C15orf39: variants seen among roughly 807,000 people sequenced by gnomAD.
The protein encoded by C15orf39 is uncharacterized protein C15orf39.
Under a neutral mutation model 53.9 loss-of-function variants are expected in C15orf39, and 24 were observed. The observed-to-expected ratio is 0.45, with a 90% CI of 0.32 to 0.63. The LOEUF (loss-of-function observed/expected upper bound fraction) is 0.63. Among genes scored for constraint, C15orf39 ranks in the 20% least tolerant of loss-of-function variants. The probability of loss-of-function intolerance (pLI) is 0.04; values close to 1 mark genes in which losing one functional copy is unlikely to be tolerated. For synonymous variants in C15orf39, 569 were observed against 576.5 expected (o/e 0.99, Z 0.19); for missense variants, 1,271 against 1,347.9 (o/e 0.94, Z 0.89).
chr15:75,203,309 G>A (rs552522617), intron 1 of C15orf39, among the ~76,000 whole-genome samples: 2 of 152,362 alleles, frequency 1.3e-5, no homozygotes, highest in East Asian at 3.9e-4. Context: ...CTGGCTGAGT[G>A]ACGTTGGAGC....
rs2070441389 is a variant in C15orf39, at chr15:75,206,725, T to G, written c.677T>G (p.Leu226Arg). The G allele has an allele frequency of 6.2e-7, 1 of 1,613,756 alleles. No homozygotes were observed. The highest frequency in any genetic ancestry group is 2.2e-5 in the East Asian group (1 of 44,888). Residue 226 changes from leucine to arginine, a missense_variant, in exon 2 of 3, where the codon CTG becomes CGG. Coordinates refer to ENST00000394987, the MANE Select transcript of C15orf39 (RefSeq NM_015492.5). Reference sequence around the variant, plus strand: ...CAGACCATCCACAGCACGGGCTTCCTGGCCTCCAGGTACACAGGTCCTTAC... The same window carrying G: ...CAGACCATCCACAGCACGGGCTTCCGGGCCTCCAGGTACACAGGTCCTTAC... ...KYQTIHSTGF[L>R]ASRYTGPYPR...
chr15:75,207,417 C>T lies in C15orf39; in HGVS notation c.1369C>T (p.His457Tyr). 1 of 1,613,436 alleles carries T rather than the reference C, an allele frequency of 6.2e-7. No homozygotes were observed. The highest frequency in any genetic ancestry group is 8.5e-7 in the Non-Finnish European group (1 of 1,180,018). Residue 457 changes from histidine (H) to tyrosine (Y), a missense_variant, in exon 2 of 3, where the codon CAC becomes TAC. Transcript: ENST00000394987. ...KEKLQPRLSE[H>Y]SGPPIVIRDS... ...GAAGCTCCAGCCCCGGCTCAGTGAG[C>T]ACTCTGGGCCGCCCATCGTCATCCG...
At position 75,206,930 on chromosome 15, in the gene C15orf39, G is replaced by A. The variant is rs372675349; in HGVS notation, c.882G>A (p.Lys294=). Residue 294 remains lysine (K), a synonymous_variant, in exon 2 of 3, where the codon AAG becomes AAA. Coordinates refer to ENST00000394987, the MANE Select transcript of C15orf39 (RefSeq NM_015492.5). ...PCPPACRHPE[K]QGSYSPALPL... is the part of the protein sequence containing the mutation. Reference sequence around the variant, plus strand: ...CTCCAGCCTGTCGCCACCCAGAGAAGCAGGGCAGCTACAGCCCAGCACTCC... The same window carrying A: ...CTCCAGCCTGTCGCCACCCAGAGAAACAGGGCAGCTACAGCCCAGCACTCC... 2.8e-5 allele frequency: 40 copies of A among 1,407,022 alleles called. No homozygotes were observed. The African/African-American group carries it at 4.6e-4, about 16-fold the overall frequency. 87.2% of individuals were successfully genotyped at this position (1,407,022 alleles called of 1,614,324 possible).
Position 75,207,168 on chromosome 15 carries a change from C to A in C15orf39, c.1120C>A (p.Gln374Lys). 3.1e-6 allele frequency: 5 copies of A among 1,613,956 alleles called. No homozygotes were observed. Among genetic ancestry groups the A allele is most frequent in the Non-Finnish European group, 3.4e-6 (4 of 1,180,020 alleles). Reference sequence around the variant, plus strand: ...ACGGTGCCCATTGGACTTTGCCCCCCAGACACTGAGTTTTCCTTATGCCCG... The same window carrying A: ...ACGGTGCCCATTGGACTTTGCCCCCAAGACACTGAGTTTTCCTTATGCCCG... ...TPRCPLDFAPQTLSFPYARDD... is the reference protein window; with the variant it reads ...TPRCPLDFAPKTLSFPYARDD... Residue 374 changes from glutamine (Q) to lysine (K), a missense_variant, in exon 2 of 3, where the codon CAG becomes AAG. Transcript: ENST00000394987.
chr15:75,201,904 G>A lies in C15orf39; in HGVS notation c.-206G>A, dbSNP rs2070404360. ...CGCAGACGGCGCCCAGCGGCGGCGCGAACGGCAGCTAGGAGGGTTGCTCCG... is the reference window on the plus strand; with the variant it reads ...CGCAGACGGCGCCCAGCGGCGGCGCAAACGGCAGCTAGGAGGGTTGCTCCG... On this transcript the variant is annotated 5_prime_UTR_variant, in exon 1 of 3. Coordinates refer to ENST00000394987, the MANE Select transcript of C15orf39 (RefSeq NM_015492.5). This position sits in a 1 kb window ranked among gnomAD's most constrained non-coding sequence, Gnocchi z 4.7. 1 of 151,900 alleles carries A rather than the reference G, an allele frequency of 6.6e-6. No homozygotes were observed. Among genetic ancestry groups the A allele is most frequent in the South Asian group, 2.1e-4 (1 of 4,838 alleles). 9.4% of individuals were successfully genotyped at this position (151,900 alleles called of 1,614,324 possible). A position where few individuals can be genotyped will look rare whatever the true frequency, so the allele number is the denominator to read the frequency against.
In C15orf39 at chr15:75,206,065, C is replaced by T; in HGVS notation, c.17C>T (p.Pro6Leu). 1 of 1,607,676 alleles carries T rather than the reference C, an allele frequency of 6.2e-7. No homozygotes were observed. The highest frequency in any genetic ancestry group is 1.3e-5 in the African/African-American group (1 of 74,792). Residue 6 changes from proline (P) to leucine (L), a missense_variant, in exon 2 of 3, where the codon CCC (proline) becomes CTC (leucine). Transcript: ENST00000394987. MAEKR[P>L]LRTLGPVMYG... Reference sequence around the variant, plus strand: ...TTCACAGCGATGGCAGAGAAGCGACCCCTGAGAACCCTGGGGCCTGTGATG... The same window carrying T: ...TTCACAGCGATGGCAGAGAAGCGACTCCTGAGAACCCTGGGGCCTGTGATG...
At chr15:75,199,448 A>C (rs2070388661), upstream of C15orf39, among the ~76,000 whole-genome samples, 1 of 152,154 alleles carries the variant, frequency 6.6e-6, no homozygotes, top group South Asian at 2.1e-4. Context: ...GAAAGGTGCC[A>C]TACTTCTCTG....
Position 75,207,301 on chromosome 15 carries a change from A to G in C15orf39, c.1253A>G (p.Gln418Arg), listed in dbSNP as rs370447315. 4.0e-5 allele frequency: 65 copies of G among 1,613,182 alleles called. No homozygotes were observed. The highest frequency in any genetic ancestry group is 3.3e-4 in the Middle Eastern group (2 of 6,084). Residue 418 changes from glutamine to arginine, a missense_variant, in exon 2 of 3, where the codon CAG (glutamine) becomes CGG (arginine). Physicochemically the swap from Gln to Arg is conservative, Grantham distance 43 (BLOSUM62 1). This residue lies in a region of C15orf39 where 994 missense variants were observed against 993.7 expected (regional missense o/e 1.00). Transcript: ENST00000394987. The part of the protein sequence containing the change: ...PQPGAFQRAC[Q>R]PLPASQPCSE... ...CCTGGTGCCTTCCAGAGGGCATGCC[A>G]GCCTTTGCCAGCGAGCCAGCCCTGC...
Position 75,206,737 on chromosome 15 carries a change from A to T in C15orf39, c.689A>T (p.Tyr230Phe), listed in dbSNP as rs2070441487. The stretch of plus-strand genomic sequence containing the variant: ...AGCACGGGCTTCCTGGCCTCCAGGT[A>T]CACAGGTCCTTACCCTAGGAACTCC... ...IHSTGFLASR[Y>F]TGPYPRNSKQ... The change falls in exon 2 of 3, where the codon TAC becomes TTC. Residue 230 changes from tyrosine to phenylalanine, a missense_variant. Transcript: ENST00000394987. 3 of 1,613,642 alleles carry T rather than the reference A, an allele frequency of 1.9e-6. No homozygotes were observed. The highest frequency in any genetic ancestry group is 2.5e-6 in the Non-Finnish European group (3 of 1,179,874).
rs1370667326 is a variant in C15orf39, at chr15:75,208,583, C to G, written c.2535C>G (p.Pro845=). ...TGCGAGCTGGCGCCATCTTCGTGCC[C>G]ATTCACCTGGTGAAGGAGCGGCTCT... ...HVVRAGAIFV[P]IHLVKERLFP... Residue 845 remains proline (P), a synonymous_variant, in exon 2 of 3, where the codon CCC becomes CCG. Coordinates refer to ENST00000394987, the MANE Select transcript of C15orf39 (RefSeq NM_015492.5). The G allele has an allele frequency of 1.8e-5, 28 of 1,577,622 alleles. No individual in the cohort carries two copies. Among genetic ancestry groups the G allele is most frequent in the Non-Finnish European group, 2.4e-5 (28 of 1,162,284 alleles).
At chr15:75,210,728 G>T in intron 2 of C15orf39, 21 bp from the exon 3 acceptor site, 1 of 1,587,150 alleles carries the variant, frequency 6.3e-7, no homozygotes, top group South Asian at 1.1e-5. Context: ...TCTGCAGGCT[G>T]ACTATGTGTT....
In C15orf39 at chr15:75,211,448, G is replaced by A. The variant is rs1339681599; in HGVS notation, c.*332G>A. 7.2e-6 allele frequency: 2 copies of A among 277,486 alleles called. No individual in the cohort carries two copies. The highest frequency in any genetic ancestry group is 1.3e-4 in the East Asian group (2 of 15,268). 17.2% of individuals were successfully genotyped at this position (277,486 alleles called of 1,614,324 possible). ...CCTCTGCTGAGCCCTCATTCCCCAT[G>A]TGTAAAATGGGACAACGCAACCTAC... On this transcript the variant is annotated 3_prime_UTR_variant, in exon 3 of 3. Coordinates refer to ENST00000394987, the MANE Select transcript of C15orf39 (RefSeq NM_015492.5).
Position 75,207,933 on chromosome 15 carries a change from C to T in C15orf39, c.1885C>T (p.Pro629Ser). The T allele has an allele frequency of 6.2e-7, 1 of 1,613,804 alleles. No homozygotes were observed. The highest frequency in any genetic ancestry group is 8.5e-7 in the Non-Finnish European group (1 of 1,180,030). ...KKIDTEAPGL[P>S]GVPVTTDAMP... ...GATAGACACAGAAGCACCAGGCTTG[C>T]CTGGGGTGCCAGTGACCACAGATGC... The change falls in exon 2 of 3, where the codon CCT becomes TCT. Residue 629 changes from proline (P) to serine (S), a missense_variant. Transcript: ENST00000394987.
intron 1 of C15orf39, among the ~76,000 whole-genome samples, chr15:75,202,809 C>CTG (rs1401074579): frequency 6.6e-6 from 1 of 152,224 alleles, no homozygotes; most frequent in Admixed American, 6.5e-5. Flanking sequence ...TGGCGGCGGC[C>CTG]TGTGTGTCAG....
Position 75,207,513 on chromosome 15 carries a change from A to C in C15orf39, c.1465A>C (p.Lys489Gln), listed in dbSNP as rs2070449664. The C allele has an allele frequency of 6.2e-7, 1 of 1,609,420 alleles. No individual in the cohort carries two copies. Among genetic ancestry groups the C allele is most frequent in the African/African-American group, 1.4e-5 (1 of 73,476 alleles). ...CCGGGAGTGCCAGTCTCTTCCACAGAAGGAGGGCGCAAGGCCACCCAGCTC... is the reference window on the plus strand; with the variant it reads ...CCGGGAGTGCCAGTCTCTTCCACAGCAGGAGGGCGCAAGGCCACCCAGCTC... Reference protein sequence around the residue: ...CARECQSLPQKEGARPPSSPP... With the variant: ...CARECQSLPQQEGARPPSSPP... The change falls in exon 2 of 3, where the codon AAG becomes CAG. Residue 489 changes from lysine (K) to glutamine (Q), a missense_variant. Coordinates refer to ENST00000394987, the MANE Select transcript of C15orf39 (RefSeq NM_015492.5).
At chr15:75,209,241 G>T in intron 2 of C15orf39, 1 of 179,368 alleles carries the variant, frequency 5.6e-6, no homozygotes. Flanking sequence ...ATAACCCACT[G>T]CATGCTGGGC....
chr15:75,209,071 C>A, intron 2 of C15orf39: 1 of 587,948 alleles, frequency 1.7e-6, no homozygotes, highest in Non-Finnish European at 2.8e-6. Flanking sequence ...ACTCCTCGGC[C>A]TCCCCTGGTG....
In C15orf39 at chr15:75,211,204, T is replaced by C. The variant is rs1652814198; in HGVS notation, c.*88T>C. 6.7e-7 allele frequency: 1 copy of C among 1,491,198 alleles called. No individual in the cohort carries two copies. The highest frequency in any genetic ancestry group is 2.0e-5 in the Admixed American group (1 of 48,862). The allele number at this position is 1,491,198 out of a possible 1,614,324, so 92.4% of individuals were successfully genotyped here. A position where few individuals can be genotyped will look rare whatever the true frequency, so the allele number is the denominator to read the frequency against. On this transcript the variant is annotated 3_prime_UTR_variant, in exon 3 of 3. Coordinates refer to ENST00000394987, the MANE Select transcript of C15orf39 (RefSeq NM_015492.5). ...CTGCCCCGGGGCCACGAGTGGATGC[T>C]GGGGCTGTGGCTGCTCCCCTGGAGG...
intron 2 of C15orf39, among the ~76,000 whole-genome samples, chr15:75,210,393 T>C (rs2070474771): frequency 6.6e-6 from 1 of 152,150 alleles, no homozygotes; most frequent in Non-Finnish European, 1.5e-5. Flanking sequence ...GGCAGAAACA[T>C]GATGGCTGTC....
Sources: gnomAD v4.1 joint callset for allele counts (sites outside exome capture counted in the v4.1 genomes callset) on GRCh38, gnomAD v4.1.1 for gene constraint, gnomAD v4.1.1 regional missense constraint, Gnocchi (gnomAD v3.1) non-coding constraint, MANE v1.5 for transcripts, NCBI Gene and HGNC (gene_info 2026-07-23, HGNC 2026-07-21) for gene names.